Variants in PCDH11Y observed in about 807,000 individuals in gnomAD.
PCDH11Y encodes the protein protocadherin 11 Y-linked, also known as protocadherin-11 Y-linked.
For missense variants in PCDH11Y, 12 were observed against 224.8 expected (o/e 0.05, Z 6.05); for synonymous variants, 9 against 83.6 (o/e 0.11, Z 4.87).
chrY:5,606,143 AT>A (rs2124700148), intron 4 of PCDH11Y, among the ~76,000 whole-genome samples: 1 of 32,151 alleles, frequency 3.1e-5, no homozygotes, highest in African/African-American at 1.2e-4. Flanking sequence ...GCCCGTTATT[AT>A]TTTTTTATTT....
intron 4 of PCDH11Y, among the ~76,000 whole-genome samples, chrY:5,678,378 G>A (rs2053555354): frequency 3.1e-5 from 1 of 32,288 alleles, no homozygotes; most frequent in Non-Finnish European, 7.6e-5. Flanking sequence ...AAAAAAATCT[G>A]AAAATTATGT....
intron 3 of PCDH11Y, among the ~76,000 whole-genome samples, chrY:5,542,261 G>C (rs2053408167): frequency 3.0e-5 from 1 of 32,951 alleles, no homozygotes; most frequent in Non-Finnish European, 7.5e-5. Context: ...AATAGCCATT[G>C]GATTTATTTA....
At chrY:5,249,211 A>C in intron 2 of PCDH11Y, among the ~76,000 whole-genome samples, 1 of 32,423 alleles carries the variant, frequency 3.1e-5, no homozygotes, top group Non-Finnish European at 7.5e-5. Flanking sequence ...TCTTTACAAA[A>C]TTAGCAAAAA....
chrY:5,489,642 G>A, intron 2 of PCDH11Y, among the ~76,000 whole-genome samples: 1 of 32,427 alleles, frequency 3.1e-5, no homozygotes, highest in Non-Finnish European at 7.5e-5. Context: ...ATGTATTTTT[G>A]ATCTACAAAG....
chrY:5,510,774 G>A, intron 3 of PCDH11Y, among the ~76,000 whole-genome samples: 1 of 31,047 alleles, frequency 3.2e-5, no homozygotes, highest in East Asian at 8.5e-4. Context: ...TGAAGAAGGA[G>A]TCAATTTTTT....
At chrY:5,268,971 A>G in intron 2 of PCDH11Y, among the ~76,000 whole-genome samples, 1 of 31,139 alleles carries the variant, frequency 3.2e-5, no homozygotes, top group Non-Finnish European at 7.7e-5. Context: ...TGCATATTTA[A>G]TGAGCATATA....
chrY:5,471,979 G>A (rs2053314369), intron 2 of PCDH11Y, among the ~76,000 whole-genome samples: 2 of 32,024 alleles, frequency 6.2e-5, no homozygotes, highest in African/African-American at 2.4e-4. Flanking sequence ...TTATTTTCTC[G>A]AAATTGGTCC....
intron 1 of PCDH11Y, among the ~76,000 whole-genome samples, chrY:5,059,832 G>A: frequency 6.0e-5 from 2 of 33,177 alleles, no homozygotes; most frequent in African/African-American, 2.4e-4. Context: ...GTATGGCCCC[G>A]TGGACAAATA....
chrY:5,241,481 G>A (rs2052988196), intron 2 of PCDH11Y, among the ~76,000 whole-genome samples: 1 of 26,152 alleles, frequency 3.8e-5, no homozygotes, highest in Non-Finnish European at 8.8e-5. Flanking sequence ...TAATTTAAAT[G>A]AGAGACATGT....
chrY:5,539,843 G>A (rs2053404529), intron 3 of PCDH11Y, among the ~76,000 whole-genome samples: 1 of 32,476 alleles, frequency 3.1e-5, no homozygotes, highest in South Asian at 6.8e-4. Context: ...AATCTAAGCT[G>A]AAAATACTAG....
intron 2 of PCDH11Y, among the ~76,000 whole-genome samples, chrY:5,283,796 T>C: frequency 3.2e-5 from 1 of 31,018 alleles, no homozygotes; most frequent in African/African-American, 1.3e-4. Context: ...TACATACTTC[T>C]TGATGATACA....
rs377409833 is a variant in PCDH11Y at position 5,461,231 on chromosome Y, C to A, written c.3130-39826C>A. Among the ~76,000 whole-genome samples the A allele has an allele frequency of 5.4e-3, 179 of 33,213 alleles. No homozygotes were observed. The South Asian group carries it at 0.078, about 15-fold the overall frequency. 89.1% of individuals were successfully genotyped at this position (33,213 alleles called of 37,273 possible). On this transcript the variant is annotated intron_variant, in intron 2 of 4. Transcript: ENST00000400457. ...ATAACCTTAAGTATGTATTGAGTTG[C>A]AGCTACACTTTGATTTATAAAATAT...
chrY:5,406,031 A>T, intron 2 of PCDH11Y, among the ~76,000 whole-genome samples: 1 of 32,413 alleles, frequency 3.1e-5, no homozygotes, highest in Admixed American at 2.9e-4. Context: ...CCAGAGATGG[A>T]AAAGTCATAT....
intron 1 of PCDH11Y, among the ~76,000 whole-genome samples, chrY:5,009,822 G>T: frequency 3.0e-5 from 1 of 33,728 alleles, no homozygotes; most frequent in Admixed American, 2.7e-4. Flanking sequence ...GATAGGGCCT[G>T]ATTTTCTCTT....
At chrY:5,691,533 TCTAAAGAGCAGGAAGAAAAGTAATAAA>T (rs2053567544) in intron 4 of PCDH11Y, among the ~76,000 whole-genome samples, 1 of 29,492 alleles carries the variant, frequency 3.4e-5, no homozygotes, top group East Asian at 9.0e-4. Context: ...TGGCTTATAT[TCTAAAGAGCAGGAAGAAAAGTAATAAA>T]CTGCTTGACT....
chrY:5,370,927 A>AT (rs2053186240), intron 2 of PCDH11Y, among the ~76,000 whole-genome samples: 1 of 28,949 alleles, frequency 3.5e-5, no homozygotes, highest in Non-Finnish European at 8.2e-5. Context: ...TGCTTTGCAC[A>AT]TAAGAGACAA....
intron 2 of PCDH11Y, among the ~76,000 whole-genome samples, chrY:5,385,852 G>A (rs2053214139): frequency 3.0e-5 from 1 of 32,920 alleles, no homozygotes; most frequent in Non-Finnish European, 7.5e-5. Flanking sequence ...CTTTTTGCTG[G>A]GATTTCTTTT....
intron 2 of PCDH11Y, among the ~76,000 whole-genome samples, chrY:5,322,762 C>G: frequency 6.2e-5 from 2 of 32,502 alleles, no homozygotes; most frequent in Non-Finnish European, 1.5e-4. Context: ...CTGGCCTACA[C>G]TAATCTAAGT....
intron 1 of PCDH11Y, among the ~76,000 whole-genome samples, chrY:5,001,417 T>G: frequency 2.9e-5 from 1 of 34,429 alleles, no homozygotes; most frequent in Non-Finnish European, 7.3e-5. Context: ...TTCCTCTTTC[T>G]CTAAAGAAAT....
Sources: gnomAD v4.1 joint callset for allele counts (sites outside exome capture counted in the v4.1 genomes callset) on GRCh38, gnomAD v4.1.1 for gene constraint, MANE v1.5 for transcripts, NCBI Gene and HGNC (gene_info 2026-07-23, HGNC 2026-07-21) for gene names.